Variants in E2F7 observed in about 807,000 individuals in gnomAD.
E2F7 encodes the protein E2F transcription factor 7.
A neutral mutation model predicts 81.1 loss-of-function variants in E2F7; 35 were observed. That is an observed-to-expected ratio of 0.43 (90% CI 0.33 to 0.57). The LOEUF (loss-of-function observed/expected upper bound fraction) is 0.57, where lower values mean the gene tolerates loss of function less well. Ranked by LOEUF, E2F7 falls within the 20% of genes least tolerant of loss-of-function variation. The pLI is 0.04. For synonymous variants in E2F7, 416 were observed against 416.2 expected, an observed-to-expected ratio of 1.00 and a Z score of 0.01; for missense variants, 961 against 1,093.7, an observed-to-expected ratio of 0.88 and a Z score of 1.71.
At position 77,043,062 on chromosome 12, in the gene E2F7, T is replaced by C. The variant is rs1302404802; in HGVS notation, c.1123+3A>G. The stretch of plus-strand genomic sequence containing the variant: ...GCCTGCTAGCAAAACCACGCCACCT[T>C]ACCACTTGAGCTGAAGTCCACAGGC... On this transcript the variant is annotated splice_donor_region_variant and intron_variant, in intron 7 of 12. Coordinates refer to ENST00000322886, the MANE Select transcript of E2F7 (RefSeq NM_203394.3). The C allele has an allele frequency of 6.2e-7, 1 of 1,614,036 alleles. No homozygotes were observed. The highest frequency in any genetic ancestry group is 1.7e-5 in the Admixed American group (1 of 60,014).
intron 4 of E2F7, among the ~76,000 whole-genome samples, chr12:77,048,770 A>G (rs2120715666): frequency 6.6e-6 from 1 of 152,342 alleles, no homozygotes; most frequent in South Asian, 2.1e-4. Context: ...CCAGGCAGCC[A>G]TAACATGGGG....
intron 11 of E2F7, among the ~76,000 whole-genome samples, chr12:77,026,717 G>A (rs1954763139): frequency 1.3e-5 from 2 of 152,134 alleles, no homozygotes; most frequent in Non-Finnish European, 2.9e-5. Context: ...GTACAGATAT[G>A]TGCATATTAC....
intron 10 of E2F7, among the ~76,000 whole-genome samples, chr12:77,029,045 T>A (rs894982654): frequency 6.6e-6 from 1 of 152,216 alleles, no homozygotes; most frequent in African/African-American, 2.4e-5. Flanking sequence ...GATACTAGTC[T>A]TTTCGGGTCT....
At chr12:77,053,607 C>T (rs1390185915) in intron 3 of E2F7, among the ~76,000 whole-genome samples, 1 of 152,160 alleles carries the variant, frequency 6.6e-6, no homozygotes, top group Non-Finnish European at 1.5e-5. Flanking sequence ...ATATGTACAC[C>T]AGCAGACATA....
chr12:77,055,479 T>C (rs528184200), intron 3 of E2F7, among the ~76,000 whole-genome samples: 4 of 151,804 alleles, frequency 2.6e-5, no homozygotes, highest in Middle Eastern at 6.8e-3. Context: ...ACTGAACATA[T>C]ATAAGAATAA....
intron 5 of E2F7, 99 bp downstream of exon 5, chr12:77,045,939 G>T: frequency 7.0e-7 from 1 of 1,432,882 alleles, no homozygotes; most frequent in South Asian, 1.4e-5. Flanking sequence ...TCCCTCCAGG[G>T]TTGTCAACCT....
chr12:77,064,969 G>A (rs1209711807), intron 1 of E2F7, among the ~76,000 whole-genome samples: 1 of 152,188 alleles, frequency 6.6e-6, no homozygotes, highest in Non-Finnish European at 1.5e-5. Context: ...GGGTCTCCCA[G>A]GTCAGTTAAT....
In E2F7 at chr12:77,046,053, G is replaced by C; in HGVS notation, c.814C>G (p.Pro272Ala). Residue 272 changes from proline to alanine, a missense_variant, in exon 5 of 13, where the codon CCC (proline) becomes GCC (alanine). Pro to Ala is a conservative substitution (Grantham distance 27). Coordinates refer to ENST00000322886, the MANE Select transcript of E2F7 (RefSeq NM_203394.3). ...ATGGACTCACAAGAGGGACAGTCGG[G>C]TTCAGAGAAATCCAGTAACTGTTGT... ...QEQQLLDFSE[P>A]DCPSSSANSR... 6.2e-7 allele frequency: 1 copy of C among 1,614,000 alleles called. No individual in the cohort carries two copies. The highest frequency in any genetic ancestry group is 8.5e-7 in the Non-Finnish European group (1 of 1,179,950).
rs887452790 is a variant in E2F7, at chr12:77,023,807, C to T, written c.*208G>A. 2.3e-5 allele frequency: 13 copies of T among 574,088 alleles called. No homozygotes were observed. The highest frequency in any genetic ancestry group is 3.2e-5 in the Non-Finnish European group (11 of 341,028). 35.6% of individuals were successfully genotyped at this position (574,088 alleles called of 1,614,324 possible). ...TCAGTCGGCGCTTTCACTGTGACAC[C>T]ATGCAGAGTCGGAACTCTAACTGGT... On this transcript the variant is annotated 3_prime_UTR_variant, in exon 13 of 13. Transcript: ENST00000322886.
chr12:77,033,091 G>C lies in E2F7; in HGVS notation c.1341C>G (p.Ser447Arg). The change falls in exon 9 of 13, where the codon AGC (serine) becomes AGG (arginine). Residue 447 changes from serine to arginine, a missense_variant. Ser to Arg is a moderately radical substitution (Grantham distance 110, BLOSUM62 -1). Coordinates refer to ENST00000322886, the MANE Select transcript of E2F7 (RefSeq NM_203394.3). ...GSGGYSLEIG[S>R]LAAVYRQKIE... is the part of the protein sequence containing the mutation. The stretch of plus-strand genomic sequence containing the variant: ...TTTTCTGTCTATAGACAGCTGCCAG[G>C]CTTCCAATTTCTAAAGAGTAGCCAC... 1 of 1,613,792 alleles carries C rather than the reference G, an allele frequency of 6.2e-7. No individual in the cohort carries two copies. Among genetic ancestry groups the C allele is most frequent in the Non-Finnish European group, 8.5e-7 (1 of 1,179,944 alleles).
intron 7 of E2F7, among the ~76,000 whole-genome samples, chr12:77,040,744 A>G (rs1954887442): frequency 6.6e-6 from 1 of 152,176 alleles, no homozygotes; most frequent in Non-Finnish European, 1.5e-5. Context: ...TTTGAAGGTA[A>G]TGGATATGTT....
At chr12:77,026,129 G>T in intron 11 of E2F7, 147 bp from the exon 12 acceptor site, 1 of 882,888 alleles carries the variant, frequency 1.1e-6, no homozygotes, top group Non-Finnish European at 1.7e-6. Context: ...AGGCCAAACA[G>T]CCCACACCCT....
At chr12:77,024,863 TA>T (rs1954745327) in intron 12 of E2F7, among the ~76,000 whole-genome samples, 1 of 152,236 alleles carries the variant, frequency 6.6e-6, no homozygotes, top group South Asian at 2.1e-4. Context: ...TATTTTTGGC[TA>T]AACATAATTC....
intron 3 of E2F7, among the ~76,000 whole-genome samples, chr12:77,054,340 A>C (rs888031404): frequency 1.3e-4 from 20 of 152,162 alleles, no homozygotes; most frequent in African/African-American, 1.9e-4. Flanking sequence ...CACACACACA[A>C]AAAAATCAAT....
rs1277361955 is a variant in E2F7 at position 77,021,873 on chromosome 12, A to C, written c.*2142T>G. ...CACTGCATTATTATTTTTACATATA[A>C]AGCCACATTAAGAAGTGGATACTGA... On this transcript the variant is annotated 3_prime_UTR_variant, in exon 13 of 13. Coordinates refer to ENST00000322886, the MANE Select transcript of E2F7 (RefSeq NM_203394.3). The C allele has an allele frequency of 1.3e-5, 2 of 152,184 alleles. No individual in the cohort carries two copies. Among genetic ancestry groups the C allele is most frequent in the African/African-American group, 4.8e-5 (2 of 41,438 alleles). The allele number at this position is 152,184 out of a possible 1,614,324, so 9.4% of individuals were successfully genotyped here.
Position 77,062,935 on chromosome 12 carries a change from G to T in E2F7, c.93+1608C>A, listed in dbSNP as rs547708533. Among the ~76,000 whole-genome samples, 15 of 151,124 alleles carry T rather than the reference G, an allele frequency of 9.9e-5. No homozygotes were observed. The East Asian group carries it at 2.9e-3, about 29-fold the overall frequency. ...TTTAAATAATCTTCACTTTATCTGT[G>T]GTTTCACTTTCAGTGGCCAACTGCG... On this transcript the variant is annotated intron_variant, in intron 2 of 12. Coordinates refer to ENST00000322886, the MANE Select transcript of E2F7 (RefSeq NM_203394.3).
intron 5 of E2F7, 130 bp downstream of exon 5, chr12:77,045,908 T>G (rs1954935899): frequency 8.4e-7 from 1 of 1,187,424 alleles, no homozygotes; most frequent in South Asian, 1.6e-5. Context: ...CTTTCTTCAG[T>G]GAGGAGAATA....
intron 6 of E2F7, 97 bp downstream of exon 6, chr12:77,044,540 A>G (rs1954923287): frequency 6.9e-7 from 1 of 1,454,258 alleles, no homozygotes; most frequent in African/African-American, 1.4e-5. Context: ...TATGTCAAAA[A>G]CAATATATAT....
rs201201624 is a variant in E2F7, at chr12:77,025,923, A to G, written c.2200T>C (p.Ser734Pro). ...CTGAAAGACGGCAGCTGACCTGAGG[A>G]CGGGCCCACAGTAGGGGGGGTTTGA... The part of the protein sequence containing the change: ...GSQTPPTVGP[S>P]SGQLPSFSVP... The change falls in exon 12 of 13, where the codon TCC becomes CCC. Residue 734 changes from serine to proline, a missense_variant. Physicochemically the swap from Ser to Pro is moderately conservative, Grantham distance 74 (BLOSUM62 -1). Transcript: ENST00000322886. The G allele has an allele frequency of 2.5e-6, 4 of 1,614,086 alleles. No homozygotes were observed. The East Asian group carries it at 8.9e-5, about 36-fold the overall frequency.
Sources: allele counts gnomAD v4.1 joint callset (sites outside exome capture counted in the v4.1 genomes callset), GRCh38; gene constraint gnomAD v4.1.1; transcripts MANE v1.5; gene names NCBI Gene and HGNC (gene_info 2026-07-23, HGNC 2026-07-21).